The following WIPF3 variants were observed in gnomAD, a reference collection of about 807,000 sequenced individuals.
The protein encoded by WIPF3 is WAS/WASL-interacting protein family member 3.
In WIPF3, 33 loss-of-function variants were observed where a neutral mutation model predicts 38.9. That is an observed-to-expected ratio of 0.85 (90% confidence interval 0.64 to 1.14). The LOEUF (loss-of-function observed/expected upper bound fraction) is 1.14. Ranked by LOEUF, WIPF3 falls within the 50% of genes most tolerant of loss-of-function variation. The probability of loss-of-function intolerance (pLI) is 0.00; values close to 1 mark genes in which losing one functional copy is unlikely to be tolerated. For missense variants in WIPF3, 711 were observed against 652.5 expected (o/e 1.09, Z -0.98); for synonymous variants, 324 against 269.3 (o/e 1.20, Z -1.99).
At chr7:29,838,747 A>G (rs1784861210) in intron 2 of WIPF3, among the ~76,000 whole-genome samples, 1 of 152,340 alleles carries the variant, frequency 6.6e-6, no homozygotes, top group East Asian at 1.9e-4. Flanking sequence ...ATGTGCCTGC[A>G]TGACCCAAAA....
chr7:29,876,069 T>A (rs1785590797), intron 3 of WIPF3, 107 bp downstream of exon 3: 4 of 1,460,116 alleles, frequency 2.7e-6, no homozygotes, highest in Non-Finnish European at 2.8e-6. Flanking sequence ...CCAGGATGCA[T>A]ATGGAGCCAT....
At chr7:29,890,371 A>AAG (rs1404080031) in intron 7 of WIPF3, among the ~76,000 whole-genome samples, 15 of 21,980 alleles carry the variant, frequency 6.8e-4, no homozygotes, top group Middle Eastern at 0.021. Flanking sequence ...AAAAAAAAAA[A>AAG]AGAGAGAGAG....
At chr7:29,841,676 G>T (rs1000017636) in intron 2 of WIPF3, among the ~76,000 whole-genome samples, 1 of 152,162 alleles carries the variant, frequency 6.6e-6, no homozygotes, top group South Asian at 2.1e-4. Flanking sequence ...GCCAGGTATG[G>T]TGGCGAGCAC....
chr7:29,889,439 C>T (rs77956941), intron 7 of WIPF3, 32 bp downstream of exon 7: 32,469 of 1,557,316 alleles, frequency 0.021, 538 homozygotes, highest in East Asian at 0.071. Flanking sequence ...CTCCTGGCAT[C>T]TCCCGACCCT....
intron 2 of WIPF3, among the ~76,000 whole-genome samples, chr7:29,838,334 C>A (rs938857811): frequency 6.6e-6 from 1 of 152,052 alleles, no homozygotes; most frequent in South Asian, 2.1e-4. Flanking sequence ...AAAAAATGGA[C>A]CTAGTTTCAC....
chr7:29,807,451 G>A (rs1018245135), intron 1 of WIPF3, among the ~76,000 whole-genome samples: 3 of 152,194 alleles, frequency 2.0e-5, no homozygotes, highest in Non-Finnish European at 2.9e-5. Flanking sequence ...TCTGAAGGTG[G>A]CGGGGAGGGC....
At chr7:29,861,059 G>T (rs575334931) in intron 2 of WIPF3, among the ~76,000 whole-genome samples, 1 of 152,134 alleles carries the variant, frequency 6.6e-6, no homozygotes, top group Non-Finnish European at 1.5e-5. Context: ...CACTAAGCTC[G>T]TTCTTAAATG....
chr7:29,885,744 T>C (rs1034709641), intron 5 of WIPF3, among the ~76,000 whole-genome samples: 1 of 152,116 alleles, frequency 6.6e-6, no homozygotes, highest in Non-Finnish European at 1.5e-5. Context: ...TGAATCTAGG[T>C]GTTCAAGGCT....
intron 2 of WIPF3, among the ~76,000 whole-genome samples, chr7:29,869,917 T>C (rs1325544113): frequency 6.6e-6 from 1 of 152,126 alleles, no homozygotes; most frequent in African/African-American, 2.4e-5. Context: ...CCCGTGGAAA[T>C]CTGGGCAAGC....
intron 4 of WIPF3, among the ~76,000 whole-genome samples, chr7:29,880,591 G>A (rs1003327593): frequency 4.6e-5 from 7 of 152,100 alleles, no homozygotes; most frequent in African/African-American, 1.7e-4. Context: ...ATAGAAGATG[G>A]GAGAAATGGG....
intron 2 of WIPF3, among the ~76,000 whole-genome samples, chr7:29,846,307 T>C (rs1205368032): frequency 3.3e-5 from 5 of 152,178 alleles, no homozygotes; most frequent in Non-Finnish European, 4.4e-5. Context: ...ATGCTAGCAA[T>C]AGATTTCCAT....
Position 29,844,834 on chromosome 7 carries a change from T to C in WIPF3, c.90+10020T>C, listed in dbSNP as rs956264687. ...CGTCACTTACTGGGCAGGGCTATTA[T>C]TGGGACTCTGGCCGAACGGCTCCCG... On this transcript the variant is annotated intron_variant, in intron 2 of 8. Coordinates refer to ENST00000242140, the MANE Select transcript of WIPF3 (RefSeq NM_001080529.3). The surrounding 1 kb of genome is among the most constrained non-coding windows in gnomAD (Gnocchi z 4.8). Among the ~76,000 whole-genome samples, 3 of 152,302 alleles carry C rather than the reference T, an allele frequency of 2.0e-5. No homozygotes were observed. Among genetic ancestry groups the C allele is most frequent in the Admixed American group, 1.3e-4 (2 of 15,304 alleles).
chr7:29,904,483 A>G lies in WIPF3; in HGVS notation c.1428+121A>G, dbSNP rs550876075. On this transcript the variant is annotated intron_variant, in intron 8 of 8. Transcript: ENST00000242140. ...ATTTTTCCTCACACTCCTTTTCCTCAGGGAAAGCCATTTGGTGGACCTTTT... is the reference window on the plus strand; with the variant it reads ...ATTTTTCCTCACACTCCTTTTCCTCGGGGAAAGCCATTTGGTGGACCTTTT... 5.2e-5 allele frequency: 50 copies of G among 962,504 alleles called. No individual in the cohort carries two copies. The African/African-American group carries it at 6.9e-4, about 13-fold the overall frequency. The allele number at this position is 962,504 out of a possible 1,614,324, so 59.6% of individuals were successfully genotyped here. A position where few individuals can be genotyped will look rare whatever the true frequency, so the allele number is the denominator to read the frequency against.
rs903583784 is a variant in WIPF3 at position 29,844,084 on chromosome 7, A to C, written c.90+9270A>C. Among the ~76,000 whole-genome samples the C allele has an allele frequency of 1.3e-5, 2 of 152,206 alleles. No individual in the cohort carries two copies. The highest frequency in any genetic ancestry group is 4.8e-5 in the African/African-American group (2 of 41,474). ...TGAGAAAAACAGGATACATGTAGAC[A>C]GTGTAGTCCCAATTACGTAAAAGAA... On this transcript the variant is annotated intron_variant, in intron 2 of 8. Transcript: ENST00000242140. This position sits in a 1 kb window ranked among gnomAD's most constrained non-coding sequence, Gnocchi z 4.8.
rs1195256288 is a variant in WIPF3 at position 29,844,858 on chromosome 7, C to T, written c.90+10044C>T. Reference sequence around the variant, plus strand: ...ATTGGGACTCTGGCCGAACGGCTCCCGGCTGTGCTCTGAAGCGCTAAACCA... The same window carrying T: ...ATTGGGACTCTGGCCGAACGGCTCCTGGCTGTGCTCTGAAGCGCTAAACCA... On this transcript the variant is annotated intron_variant, in intron 2 of 8. Coordinates refer to ENST00000242140, the MANE Select transcript of WIPF3 (RefSeq NM_001080529.3). This position sits in a 1 kb window ranked among gnomAD's most constrained non-coding sequence, Gnocchi z 4.8. 1.3e-5 allele frequency among the ~76,000 whole-genome samples: 2 copies of T among 152,112 alleles called. No homozygotes were observed. The highest frequency in any genetic ancestry group is 2.4e-5 in the African/African-American group (1 of 41,422).
chr7:29,909,404 G>T (rs1020105371), intron 8 of WIPF3, among the ~76,000 whole-genome samples: 15 of 152,146 alleles, frequency 9.9e-5, no homozygotes, highest in African/African-American at 2.9e-4. Context: ...CCTTTAGTTA[G>T]ATAGACTAAG....
chr7:29,857,177 A>ACACCTCCCTCACCTTACACCCTAAC, intron 2 of WIPF3, among the ~76,000 whole-genome samples: 1 of 151,956 alleles, frequency 6.6e-6, no homozygotes, highest in Non-Finnish European at 1.5e-5. Flanking sequence ...GGGAACTCAC[A>ACACCTCCCTCACCTTACACCCTAAC]CACCTCCCTC....
chr7:29,901,408 T>C (rs1232295282), intron 7 of WIPF3, among the ~76,000 whole-genome samples: 1 of 129,994 alleles, frequency 7.7e-6, no homozygotes, highest in Non-Finnish European at 1.7e-5. Context: ...TTTTTTTTTT[T>C]TTACAAGACA....
chr7:29,810,001 G>A (rs1287248975), intron 1 of WIPF3, among the ~76,000 whole-genome samples: 2 of 152,152 alleles, frequency 1.3e-5, no homozygotes, highest in African/African-American at 4.8e-5. Context: ...GGAGGCAGTA[G>A]CCAGTCTCAG....
Sources: gnomAD v4.1 joint callset for allele counts (sites outside exome capture counted in the v4.1 genomes callset) on GRCh38, gnomAD v4.1.1 for gene constraint, Gnocchi (gnomAD v3.1) non-coding constraint, MANE v1.5 for transcripts, NCBI Gene and HGNC (gene_info 2026-07-23, HGNC 2026-07-21) for gene names.